Variants in CCDC91 observed in about 807,000 individuals in gnomAD.
CCDC91 encodes the protein coiled-coil domain-containing protein 91.
A neutral mutation model predicts 63.2 loss-of-function variants in CCDC91; 48 were observed. The observed-to-expected ratio is 0.76, with a 90% CI of 0.60 to 0.97. The LOEUF (loss-of-function observed/expected upper bound fraction) is 0.97. Ranked by LOEUF, CCDC91 falls within the 50% of genes least tolerant of loss-of-function variation. The pLI, the probability that CCDC91 is intolerant of heterozygous loss-of-function variation, is 0.00. For missense variants in CCDC91, 500 were observed against 494.6 expected (o/e 1.01, Z -0.10); for synonymous variants, 167 against 165.8 (o/e 1.01, Z -0.06).
intron 1 of CCDC91, among the ~76,000 whole-genome samples, chr12:28,253,150 A>G (rs1052931716): frequency 3.9e-5 from 6 of 152,192 alleles, no homozygotes; most frequent in South Asian, 2.1e-4. Context: ...TTGTCAAAGT[A>G]GTATTTCATG....
At chr12:28,208,647 A>T (rs1378248118) in intron 1 of CCDC91, among the ~76,000 whole-genome samples, 1 of 152,236 alleles carries the variant, frequency 6.6e-6, no homozygotes, top group Non-Finnish European at 1.5e-5. Flanking sequence ...AGGTTACTGT[A>T]AGTCATTCAT....
chr12:28,241,649 C>T (rs7303053), intron 1 of CCDC91, among the ~76,000 whole-genome samples: 9 of 151,982 alleles, frequency 5.9e-5, no homozygotes, highest in East Asian at 1.9e-4. Flanking sequence ...TTTTGGTATC[C>T]GTGTGTGAGA....
chr12:28,391,394 G>A lies in CCDC91; in HGVS notation c.745G>A (p.Glu249Lys). 2.5e-6 allele frequency: 4 copies of A among 1,605,020 alleles called. No homozygotes were observed. The highest frequency in any genetic ancestry group is 3.4e-6 in the Non-Finnish European group (4 of 1,171,910). The change falls in exon 8 of 13, where the codon GAG becomes AAG. Residue 249 changes from glutamate to lysine, a missense_variant. Transcript: ENST00000536442. ...TGAGAAACAGGCACACAAGTGTGAG[G>A]AGTTGCTAAATGCTCAGGTAATAAA... ...AIEKQAHKCE[E>K]LLNAQHQRLL...
chr12:28,345,444 A>G (rs977808509), intron 6 of CCDC91, among the ~76,000 whole-genome samples: 2 of 152,058 alleles, frequency 1.3e-5, no homozygotes, highest in African/African-American at 4.8e-5. Context: ...ACCTTTTACT[A>G]CAGTTACCTT....
intron 1 of CCDC91, among the ~76,000 whole-genome samples, chr12:28,199,299 A>T (rs1353433901): frequency 7.2e-6 from 1 of 138,812 alleles, no homozygotes; most frequent in East Asian, 2.9e-4. Flanking sequence ...AACAATCTAT[A>T]TTAATTAATA....
At chr12:28,305,922 C>A in intron 4 of CCDC91, 116 bp downstream of exon 4, 1 of 804,554 alleles carries the variant, frequency 1.2e-6, no homozygotes, top group Non-Finnish European at 1.9e-6. Flanking sequence ...AGTATTTCTG[C>A]AATAGATATT....
chr12:28,355,443 G>A (rs1161920992), intron 6 of CCDC91, among the ~76,000 whole-genome samples: 2 of 152,108 alleles, frequency 1.3e-5, no homozygotes, highest in Admixed American at 1.3e-4. Flanking sequence ...TGCTAATGGA[G>A]AATTGACAAT....
chr12:28,207,984 A>G (rs1942973569), intron 1 of CCDC91, among the ~76,000 whole-genome samples: 1 of 152,198 alleles, frequency 6.6e-6, no homozygotes, highest in South Asian at 2.1e-4. Context: ...TTAGCATGAA[A>G]ATCTGGCAAA....
chr12:28,502,780 A>G (rs1297543856), intron 12 of CCDC91, among the ~76,000 whole-genome samples: 2 of 150,246 alleles, frequency 1.3e-5, no homozygotes, highest in Admixed American at 6.6e-5. Flanking sequence ...ATAACGCTGC[A>G]TATCTACAAC....
intron 3 of CCDC91, among the ~76,000 whole-genome samples, chr12:28,263,700 C>T (rs1164028105): frequency 6.6e-6 from 1 of 151,974 alleles, no homozygotes; most frequent in Non-Finnish European, 1.5e-5. Context: ...TGACTCCCAT[C>T]TCTTTATGTC....
intron 1 of CCDC91, among the ~76,000 whole-genome samples, chr12:28,226,594 A>G (rs1944286537): frequency 6.6e-6 from 1 of 152,208 alleles, no homozygotes; most frequent in Admixed American, 6.5e-5. Context: ...TTATGACAAT[A>G]ATATAGAGAG....
At chr12:28,451,161 G>T (rs532900307) in intron 10 of CCDC91, among the ~76,000 whole-genome samples, 39 of 151,724 alleles carry the variant, frequency 2.6e-4, no homozygotes, top group African/African-American at 8.9e-4. Flanking sequence ...GAGACATATT[G>T]ACATTTTAAA....
At chr12:28,546,122 C>G (rs1942973480) in intron 12 of CCDC91, among the ~76,000 whole-genome samples, 3 of 152,186 alleles carry the variant, frequency 2.0e-5, no homozygotes, top group Middle Eastern at 6.8e-3. Flanking sequence ...GTATCTCATC[C>G]TGCCAGATTC....
At position 28,549,232 on chromosome 12, in the gene CCDC91, A is replaced by G; in HGVS notation, c.*59A>G. On this transcript the variant is annotated 3_prime_UTR_variant, in exon 13 of 13. Transcript: ENST00000536442. ...AAATCATATTACACCTTCAAAATAC[A>G]CACTCTGAATTATAAAGATGTGTTT... 1 of 905,696 alleles carries G rather than the reference A, an allele frequency of 1.1e-6. No homozygotes were observed. The highest frequency in any genetic ancestry group is 1.4e-5 in the South Asian group (1 of 72,868). 56.1% of individuals were successfully genotyped at this position (905,696 alleles called of 1,614,324 possible).
At chr12:28,347,183 C>T (rs1159912167) in intron 6 of CCDC91, among the ~76,000 whole-genome samples, 2 of 152,138 alleles carry the variant, frequency 1.3e-5, no homozygotes, top group African/African-American at 4.8e-5. Context: ...TGCAGATTTC[C>T]TATCAATCTT....
chr12:28,220,753 A>G (rs143112466), intron 1 of CCDC91, among the ~76,000 whole-genome samples: 1 of 152,236 alleles, frequency 6.6e-6, no homozygotes, highest in East Asian at 1.9e-4. Context: ...AAGTTGAAAG[A>G]CATATCTCCA....
intron 1 of CCDC91, among the ~76,000 whole-genome samples, chr12:28,213,144 A>G (rs553191239): frequency 6.6e-6 from 1 of 151,902 alleles, no homozygotes; most frequent in Admixed American, 6.6e-5. Context: ...CTCTTTACCC[A>G]CCTCCCCTCT....
In CCDC91 at chr12:28,353,191, T is replaced by C. The variant is rs1340992573; in HGVS notation, c.577-9247T>C. 2.0e-5 allele frequency among the ~76,000 whole-genome samples: 3 copies of C among 152,204 alleles called. No individual in the cohort carries two copies. The East Asian group carries it at 5.8e-4, about 29-fold the overall frequency. On this transcript the variant is annotated intron_variant, in intron 6 of 12. Coordinates refer to ENST00000536442, the MANE Select transcript of CCDC91 (RefSeq NM_018318.5). ...TTGTCTTCCACAGCTTCCTAACCTT[T>C]CTCAGCCTTCACAGAATTGAAGAGA...
At chr12:28,233,173 C>T (rs1378890383) in intron 1 of CCDC91, among the ~76,000 whole-genome samples, 1 of 151,952 alleles carries the variant, frequency 6.6e-6, no homozygotes, top group African/African-American at 2.4e-5. Flanking sequence ...TGTAACAATA[C>T]TCCAGTCAAG....
Sources: gnomAD v4.1 joint callset for allele counts (sites outside exome capture counted in the v4.1 genomes callset) on GRCh38, gnomAD v4.1.1 for gene constraint, MANE v1.5 for transcripts, NCBI Gene and HGNC (gene_info 2026-07-23, HGNC 2026-07-21) for gene names.